Variants in WWOX observed in about 807,000 individuals in gnomAD.
WWOX encodes WW domain containing oxidoreductase, also known as WW domain-containing oxidoreductase.
Under a neutral mutation model 46.2 loss-of-function variants are expected in WWOX, and 69 were observed. That is an observed-to-expected ratio of 1.49 (90% CI 1.23 to 1.82). The LOEUF is 1.82. WWOX is among the 40% of genes most tolerant of loss of function. WWOX has a pLI of 0.00. For synonymous variants in WWOX, 359 were observed against 202.6 expected, an observed-to-expected ratio of 1.77 and a Z score of -6.56; for missense variants, 919 against 542.6, an observed-to-expected ratio of 1.69 and a Z score of -6.89.
chr16:78,628,895 C>T (rs936772210), intron 8 of WWOX, among the ~76,000 whole-genome samples: 1 of 151,968 alleles, frequency 6.6e-6, no homozygotes, highest in Non-Finnish European at 1.5e-5. Flanking sequence ...GGTCCCAGGC[C>T]CCCTCCTCAT....
intron 8 of WWOX, among the ~76,000 whole-genome samples, chr16:78,677,117 G>A (rs17708413): frequency 6.6e-6 from 1 of 150,510 alleles, no homozygotes; most frequent in Non-Finnish European, 1.5e-5. Flanking sequence ...GCATTATATT[G>A]CATCTACACA....
chr16:78,561,289 A>G (rs1040006642), intron 8 of WWOX, among the ~76,000 whole-genome samples: 1 of 152,146 alleles, frequency 6.6e-6, no homozygotes, highest in African/African-American at 2.4e-5. Flanking sequence ...TTTGATGTCT[A>G]GGTCTGGATT....
intron 8 of WWOX, among the ~76,000 whole-genome samples, chr16:78,814,988 C>G (rs867781543): frequency 3.9e-5 from 6 of 152,272 alleles, no homozygotes; most frequent in African/African-American, 9.6e-5. Flanking sequence ...AATTTTCAGG[C>G]TTGCTCCCTG....
At chr16:78,957,454 A>AT (rs2046190326) in intron 8 of WWOX, among the ~76,000 whole-genome samples, 1 of 152,172 alleles carries the variant, frequency 6.6e-6, no homozygotes, top group Non-Finnish European at 1.5e-5. Flanking sequence ...CCAGTGGCTC[A>AT]TTGTAGACAT....
At chr16:78,999,965 T>C (rs1440765852) in intron 8 of WWOX, among the ~76,000 whole-genome samples, 7 of 152,210 alleles carry the variant, frequency 4.6e-5, no homozygotes, top group Admixed American at 4.6e-4. Flanking sequence ...CATTTTTTTT[T>C]CCTTAGGGGA....
At chr16:78,920,091 A>G (rs1026310115) in intron 8 of WWOX, among the ~76,000 whole-genome samples, 1 of 152,168 alleles carries the variant, frequency 6.6e-6, no homozygotes, top group Non-Finnish European at 1.5e-5. Context: ...TTGCAAAAAC[A>G]AAGACTGAGT....
chr16:78,610,944 CAG>C (rs1265363584), intron 8 of WWOX, among the ~76,000 whole-genome samples: 1 of 152,078 alleles, frequency 6.6e-6, no homozygotes, highest in African/African-American at 2.4e-5. Context: ...AACGGAATTT[CAG>C]AGACATGTTT....
chr16:78,436,338 C>T (rs973317580), intron 8 of WWOX, among the ~76,000 whole-genome samples: 22 of 152,178 alleles, frequency 1.4e-4, no homozygotes, highest in African/African-American at 5.1e-4. Context: ...GACCCTGGTT[C>T]AGTGATCTCC....
intron 8 of WWOX, among the ~76,000 whole-genome samples, chr16:78,617,955 C>A (rs186429625): frequency 6.6e-6 from 1 of 152,198 alleles, no homozygotes; most frequent in Non-Finnish European, 1.5e-5. Context: ...GACTTTTAAT[C>A]TTCATTATAT....
chr16:78,207,586 C>T (rs78817208), intron 5 of WWOX, among the ~76,000 whole-genome samples: 371 of 150,348 alleles, frequency 2.5e-3, no homozygotes, highest in African/African-American at 8.4e-3. Flanking sequence ...AGAAGCAGAA[C>T]GTATTCTTTT....
intron 8 of WWOX, among the ~76,000 whole-genome samples, chr16:79,006,882 C>A (rs1215743151): frequency 6.6e-6 from 1 of 152,158 alleles, no homozygotes; most frequent in Non-Finnish European, 1.5e-5. Flanking sequence ...CTTTAAGGAC[C>A]TTTGTGATAG....
chr16:78,389,324 C>G (rs1386551430), intron 6 of WWOX, among the ~76,000 whole-genome samples: 1 of 152,210 alleles, frequency 6.6e-6, no homozygotes, highest in Non-Finnish European at 1.5e-5. Flanking sequence ...TCAGGAGCAC[C>G]TCTAAAGCCC....
chr16:79,212,104 C>CTCTT lies in WWOX; in HGVS notation c.*314_*317dup, dbSNP rs1597489390. 3 of 1,535,852 alleles carry CTCTT rather than the reference C, an allele frequency of 2.0e-6. No individual in the cohort carries two copies. The highest frequency in any genetic ancestry group is 2.6e-6 in the Non-Finnish European group (3 of 1,146,788). On this transcript the variant is annotated 3_prime_UTR_variant, in exon 9 of 9. Transcript: ENST00000566780. ...TCTCCCTGGAGAAGCACCAGCAATT[C>CTCTT]TCTTTCTTTTACTGTTATAGAATAG...
At chr16:78,864,219 A>T (rs1320870767) in intron 8 of WWOX, among the ~76,000 whole-genome samples, 1 of 151,976 alleles carries the variant, frequency 6.6e-6, no homozygotes, top group African/African-American at 2.4e-5. Flanking sequence ...TAAATTTTTG[A>T]TGTTGGATAT....
intron 8 of WWOX, among the ~76,000 whole-genome samples, chr16:78,571,625 TA>T (rs1205467768): frequency 6.6e-6 from 1 of 152,158 alleles, no homozygotes; most frequent in African/African-American, 2.4e-5. Context: ...TCTCCGCACT[TA>T]AGGAGTCCAA....
intron 8 of WWOX, among the ~76,000 whole-genome samples, chr16:78,888,144 AG>A: frequency 6.6e-6 from 1 of 152,180 alleles, no homozygotes; most frequent in Admixed American, 6.5e-5. Context: ...TACAACAAAA[AG>A]CTGGCTCCTT....
At chr16:78,314,338 A>C (rs1232317931) in intron 5 of WWOX, among the ~76,000 whole-genome samples, 1 of 148,268 alleles carries the variant, frequency 6.7e-6, no homozygotes, top group Non-Finnish European at 1.5e-5. Context: ...CCCAGGACGC[A>C]GAGGTTGCAG....
rs150252682 is a variant in WWOX, at chr16:79,117,787, G to A, written c.1057-93821G>A. Among the ~76,000 whole-genome samples the A allele has an allele frequency of 3.6e-3, 550 of 152,246 alleles. 1 individual carries two copies. The highest frequency in any genetic ancestry group is 0.012 in the African/African-American group (510 of 41,550). ...CTTTCTTCCTTAAACCTCATGAACCGACCTCTGCTAGCTTCCAAGTTTTCT... is the reference window on the plus strand; with the variant it reads ...CTTTCTTCCTTAAACCTCATGAACCAACCTCTGCTAGCTTCCAAGTTTTCT... On this transcript the variant is annotated intron_variant, in intron 8 of 8. Transcript: ENST00000566780.
chr16:78,644,348 C>A (rs2046791493), intron 8 of WWOX, among the ~76,000 whole-genome samples: 1 of 152,142 alleles, frequency 6.6e-6, no homozygotes, highest in Admixed American at 6.5e-5. Context: ...TATGTCACCT[C>A]CCTCCTCTAT....
Sources: gnomAD v4.1 joint callset for allele counts (sites outside exome capture counted in the v4.1 genomes callset) on GRCh38, gnomAD v4.1.1 for gene constraint, MANE v1.5 for transcripts, NCBI Gene and HGNC (gene_info 2026-07-23, HGNC 2026-07-21) for gene names.